LEMD1: variants seen among roughly 807,000 people sequenced by gnomAD.
LEMD1 encodes the protein LEM domain containing 1, also known as LEM domain-containing protein 1.
A neutral mutation model predicts 17.4 loss-of-function variants in LEMD1; 18 were observed. That is an observed-to-expected ratio of 1.04 (90% CI 0.72 to 1.54). The LOEUF (loss-of-function observed/expected upper bound fraction) is 1.54. Among genes scored for constraint, LEMD1 ranks in the 40% most tolerant of loss-of-function variants. The pLI is 0.00. For synonymous variants in LEMD1, 88 were observed against 77.8 expected (o/e 1.13, Z -0.69); for missense variants, 195 against 210.4 (o/e 0.93, Z 0.45).
chr1:205,419,710 C>T (rs1173994690), intron 2 of LEMD1, among the ~76,000 whole-genome samples: 1 of 152,226 alleles, frequency 6.6e-6, no homozygotes, highest in South Asian at 2.1e-4. Context: ...AAGTGATCCA[C>T]CCGCCTCGGC....
chr1:205,445,908 T>A (rs543695974), intron 1 of LEMD1, among the ~76,000 whole-genome samples: 2 of 152,276 alleles, frequency 1.3e-5, no homozygotes, highest in East Asian at 3.9e-4. Context: ...GAGTAGGGCT[T>A]AGTAGTCAAA....
chr1:205,440,248 C>T (rs1402420423), intron 1 of LEMD1, among the ~76,000 whole-genome samples: 2 of 152,260 alleles, frequency 1.3e-5, no homozygotes, highest in South Asian at 2.1e-4. Flanking sequence ...ATCATGAACA[C>T]GGGTGGGTCA....
At chr1:205,416,094 G>GATCCTCTTT (rs1665682266) in intron 4 of LEMD1, 138 bp downstream of exon 4, 2 of 541,344 alleles carry the variant, frequency 3.7e-6, no homozygotes, top group African/African-American at 2.0e-5. Flanking sequence ...GCATTAAAAT[G>GATCCTCTTT]ATCCTCTTTA....
chr1:205,430,284 C>G (rs1666107940), intron 1 of LEMD1, among the ~76,000 whole-genome samples: 1 of 152,168 alleles, frequency 6.6e-6, no homozygotes, highest in African/African-American at 2.4e-5. Flanking sequence ...CAGCTCCTTC[C>G]CTCTTAGGAA....
intron 1 of LEMD1, chr1:205,435,137 C>T (rs562121099): frequency 6.6e-6 from 1 of 152,222 alleles, no homozygotes; most frequent in Non-Finnish European, 1.5e-5. Flanking sequence ...TGCTACTTTA[C>T]AGAATTAATC....
At chr1:205,406,850 G>T (rs896247869) in intron 4 of LEMD1, among the ~76,000 whole-genome samples, 3 of 152,172 alleles carry the variant, frequency 2.0e-5, no homozygotes, top group Non-Finnish European at 2.9e-5. Flanking sequence ...GGCCATCTTG[G>T]CTCCTCCCCC....
chr1:205,448,431 G>C lies in LEMD1; in HGVS notation c.-39+1437C>G, dbSNP rs1206066894. 1 of 532,334 alleles carries C rather than the reference G, an allele frequency of 1.9e-6. No homozygotes were observed. The highest frequency in any genetic ancestry group is 5.5e-5 in the East Asian group (1 of 18,346). 33.0% of individuals were successfully genotyped at this position (532,334 alleles called of 1,614,324 possible). ...CCAGCGGCAGGAATCTCATAGGGAAGCGAGAAGCTGGGGCACCCGAGAAGC... is the reference window on the plus strand; with the variant it reads ...CCAGCGGCAGGAATCTCATAGGGAACCGAGAAGCTGGGGCACCCGAGAAGC... On this transcript the variant is annotated intron_variant, in intron 1 of 3. Transcript: ENST00000367154. The surrounding 1 kb of genome is among the most constrained non-coding windows in gnomAD (Gnocchi z 4.7).
At chr1:205,438,581 CTG>C (rs1329868665) in intron 1 of LEMD1, among the ~76,000 whole-genome samples, 1 of 152,210 alleles carries the variant, frequency 6.6e-6, no homozygotes, top group Non-Finnish European at 1.5e-5. Context: ...GAGAAGGAAA[CTG>C]AGGGACAATA....
Position 205,419,317 on chromosome 1 carries a change from G to A in LEMD1, c.118C>T (p.Gln40Ter), listed in dbSNP as rs1158633373. 2.5e-6 allele frequency: 4 copies of A among 1,614,034 alleles called. No individual in the cohort carries two copies. The highest frequency in any genetic ancestry group is 3.4e-6 in the Non-Finnish European group (4 of 1,179,990). ...TRKLYEKKLV[Q>*]LLVSPPCAPP... ...GCACAGGGAGGTGAGACCAACAACT[G>A]TACTAACTTTTTTTCATACAACTTT... Residue 40 changes from glutamine (Q) to a stop codon, truncating the protein, a stop_gained, in exon 3 of 6, where the codon CAG becomes TAG. Transcript: ENST00000367153. LOFTEE classifies it high-confidence loss of function.
intron 1 of LEMD1, among the ~76,000 whole-genome samples, chr1:205,430,659 G>T (rs1288768255): frequency 6.6e-6 from 1 of 152,172 alleles, no homozygotes; most frequent in African/African-American, 2.4e-5. Context: ...GCCAAAGGAA[G>T]AGCCGGTCTT....
At position 205,448,295 on chromosome 1, in the gene LEMD1, A is replaced by G. The variant is rs1375654263; in HGVS notation, c.-39+1573T>C. Reference sequence around the variant, plus strand: ...GGTCCCATGGGAGGTGCAGCTGCGCAGGAGAAGGAGCTCGCCCCTCACTGT... The same window carrying G: ...GGTCCCATGGGAGGTGCAGCTGCGCGGGAGAAGGAGCTCGCCCCTCACTGT... On this transcript the variant is annotated intron_variant, in intron 1 of 3. Transcript: ENST00000367154. This position sits in a 1 kb window ranked among gnomAD's most constrained non-coding sequence, Gnocchi z 4.7. The G allele has an allele frequency of 1.9e-6, 1 of 527,204 alleles. No homozygotes were observed. The highest frequency in any genetic ancestry group is 3.9e-6 in the Non-Finnish European group (1 of 254,066). The allele number at this position is 527,204 out of a possible 1,614,324, so 32.7% of individuals were successfully genotyped here.
chr1:205,438,750 T>C (rs1379419431), intron 1 of LEMD1, among the ~76,000 whole-genome samples: 2 of 151,692 alleles, frequency 1.3e-5, no homozygotes, highest in African/African-American at 4.8e-5. Flanking sequence ...ACTTTGACCT[T>C]GGGACCCCAC....
intron 1 of LEMD1, among the ~76,000 whole-genome samples, chr1:205,432,701 G>T (rs572540028): frequency 6.6e-6 from 1 of 152,358 alleles, no homozygotes; most frequent in East Asian, 1.9e-4. Flanking sequence ...AAAGAAGAGA[G>T]GAGGGTCCCC....
At chr1:205,405,448 T>A (rs1398791750) in intron 4 of LEMD1, among the ~76,000 whole-genome samples, 1 of 148,844 alleles carries the variant, frequency 6.7e-6, no homozygotes, top group Non-Finnish European at 1.5e-5. Flanking sequence ...TTCATTTCAT[T>A]CATTCATCTT....
At chr1:205,392,477 G>C (rs944703248) in intron 4 of LEMD1, among the ~76,000 whole-genome samples, 3 of 151,520 alleles carry the variant, frequency 2.0e-5, no homozygotes, top group African/African-American at 7.3e-5. Flanking sequence ...AGGAGTTTGA[G>C]GTTACAGTGA....
chr1:205,406,205 C>T (rs1214739635), intron 4 of LEMD1, among the ~76,000 whole-genome samples: 16 of 152,176 alleles, frequency 1.1e-4, no homozygotes, highest in Admixed American at 9.8e-4. Flanking sequence ...TCTCCAGCTG[C>T]GTACTGGGAG....
At chr1:205,413,737 C>T (rs1452597084) in intron 4 of LEMD1, among the ~76,000 whole-genome samples, 1 of 151,072 alleles carries the variant, frequency 6.6e-6, no homozygotes, top group Non-Finnish European at 1.5e-5. Context: ...ATTGCAACCT[C>T]TGCCTCCCGA....
Position 205,448,555 on chromosome 1 carries a change from C to T in LEMD1, c.-39+1313G>A, listed in dbSNP as rs1666443073. Among the ~76,000 whole-genome samples the T allele has an allele frequency of 6.6e-6, 1 of 152,122 alleles. No homozygotes were observed. The highest frequency in any genetic ancestry group is 1.5e-5 in the Non-Finnish European group (1 of 68,020). On this transcript the variant is annotated intron_variant, in intron 1 of 3. Coordinates refer to the LEMD1 transcript ENST00000367154. The surrounding 1 kb of genome is among the most constrained non-coding windows in gnomAD (Gnocchi z 4.7). ...GTTAAATTCTCTCACCATCTTCCAC[C>T]ACCTGCACTAAAGCCATCCCAGTAA...
At chr1:205,418,640 C>G (rs753180299) in intron 3 of LEMD1, among the ~76,000 whole-genome samples, 1 of 152,156 alleles carries the variant, frequency 6.6e-6, no homozygotes, top group African/African-American at 2.4e-5. Context: ...CTCAGCCTCC[C>G]GAGTAGCTGG....
Sources: gnomAD v4.1 joint callset for allele counts (sites outside exome capture counted in the v4.1 genomes callset) on GRCh38, gnomAD v4.1.1 for gene constraint, Gnocchi (gnomAD v3.1) non-coding constraint, MANE v1.5 for transcripts, NCBI Gene and HGNC (gene_info 2026-07-23, HGNC 2026-07-21) for gene names.